The following SNX17 variants were observed in gnomAD, a reference collection of about 807,000 sequenced individuals.
SNX17 encodes sorting nexin-17.
SNX17 carries 35 observed loss-of-function variants against 64.3 expected under a neutral mutation model. That is an observed-to-expected ratio of 0.54 (90% CI 0.42 to 0.72). SNX17 has a LOEUF of 0.72. SNX17 is among the 30% of genes least tolerant of loss of function. SNX17 has a pLI of 0.00. For synonymous variants in SNX17, 259 were observed against 230.2 expected (o/e 1.13, Z -1.13); for missense variants, 538 against 610.0 (o/e 0.88, Z 1.24).
intron 6 of SNX17, 24 bp downstream of exon 6, chr2:27,374,199 C>T (rs1381069802): frequency 1.3e-6 from 2 of 1,595,878 alleles, no homozygotes; most frequent in Admixed American, 1.7e-5. Flanking sequence ...GACTTGACTG[C>T]AGTACAAGGG....
intron 1 of SNX17, 46 bp from the exon 2 acceptor site, chr2:27,371,223 G>A (rs747207090): frequency 5.7e-6 from 9 of 1,572,472 alleles, no homozygotes; most frequent in Non-Finnish European, 1.7e-6. Flanking sequence ...CAGGGGGGTT[G>A]CGCAGACCGC....
Position 27,375,126 on chromosome 2 carries a change from T to G in SNX17, c.747T>G (p.Ser249=). The part of the protein sequence containing the change: ...VTKEQHRQLK[S]LQEKVSKKEF... ...AGGAACAGCACCGGCAACTCAAATCTCTGCAAGAGAAAGTCTCCAAGAAGG... is the reference window on the plus strand; with the variant it reads ...AGGAACAGCACCGGCAACTCAAATCGCTGCAAGAGAAAGTCTCCAAGAAGG... Residue 249 remains serine, a synonymous_variant, in exon 9 of 15, where the codon TCT becomes TCG. Coordinates refer to ENST00000233575, the MANE Select transcript of SNX17 (RefSeq NM_014748.4). The surrounding 1 kb of genome is among the most constrained non-coding windows in gnomAD (Gnocchi z 4.1). 6.2e-7 allele frequency: 1 copy of G among 1,614,092 alleles called. No individual in the cohort carries two copies. Among genetic ancestry groups the G allele is most frequent in the South Asian group, 1.1e-5 (1 of 91,080 alleles).
Position 27,372,653 on chromosome 2 carries a change from C to T in SNX17, c.169C>T (p.Pro57Ser). The stretch of plus-strand genomic sequence containing the variant: ...GAAGGAGTATGGGGCCAATGTGCTT[C>T]CTGCATTCCCCCCAAAGAAGCTTTT... ...LRKEYGANVL[P>S]AFPPKKLFSL... The change falls in exon 3 of 15, where the codon CCT becomes TCT. Residue 57 changes from proline to serine, a missense_variant. Coordinates refer to ENST00000233575, the MANE Select transcript of SNX17 (RefSeq NM_014748.4). 1 of 1,614,210 alleles carries T rather than the reference C, an allele frequency of 6.2e-7. No individual in the cohort carries two copies. Among genetic ancestry groups the T allele is most frequent in the Non-Finnish European group, 8.5e-7 (1 of 1,180,026 alleles).
At position 27,370,802 on chromosome 2, in the gene SNX17, A is replaced by G; in HGVS notation, c.59A>G (p.Tyr20Cys). 4 of 1,544,008 alleles carry G rather than the reference A, an allele frequency of 2.6e-6. No homozygotes were observed. Among genetic ancestry groups the G allele is most frequent in the South Asian group, 1.2e-5 (1 of 83,932 alleles). ...AGCGGGGACAGCGGCGGCTCCGCCT[A>G]CGTGGTGAGGAGCGGCCGGAGCCGA... ...SRSGDSGGSA[Y>C]VAYNIHVNGV... The change falls in exon 1 of 15, where the codon TAC (tyrosine) becomes TGC (cysteine). Residue 20 changes from tyrosine to cysteine, a missense_variant. Physicochemically the swap from Tyr to Cys is radical, Grantham distance 194 (BLOSUM62 -2). Around this residue, in one of 3 missense-constraint regions of SNX17, gnomAD observed 27 missense variants for 38.2 expected, o/e 0.71. Transcript: ENST00000233575.
Position 27,376,758 on chromosome 2 carries a change from A to G in SNX17, c.*39A>G. 1 of 1,564,978 alleles carries G rather than the reference A, an allele frequency of 6.4e-7. No homozygotes were observed. Among genetic ancestry groups the G allele is most frequent in the Non-Finnish European group, 8.8e-7 (1 of 1,137,882 alleles). ...GATGTCTGCCCTCTACCCCAGAGGA[A>G]TTTACAGAAACTTGCCCTGTGCCTG... On this transcript the variant is annotated 3_prime_UTR_variant, in exon 15 of 15. Coordinates refer to ENST00000233575, the MANE Select transcript of SNX17 (RefSeq NM_014748.4).
Position 27,375,253 on chromosome 2 carries a change from C to T in SNX17, c.774+100C>T. The T allele has an allele frequency of 3.5e-6, 4 of 1,149,386 alleles. No individual in the cohort carries two copies. The highest frequency in any genetic ancestry group is 5.0e-6 in the Non-Finnish European group (4 of 797,304). 71.2% of individuals were successfully genotyped at this position (1,149,386 alleles called of 1,614,324 possible). On this transcript the variant is annotated intron_variant, in intron 9 of 14. Coordinates refer to ENST00000233575, the MANE Select transcript of SNX17 (RefSeq NM_014748.4). The surrounding 1 kb of genome is among the most constrained non-coding windows in gnomAD (Gnocchi z 4.1). ...TCTCAGATTCATGCCATTCTCCCGC[C>T]TCAGCCTCCCGAGTAGCTGGGACTA...
chr2:27,377,137 T>G lies in SNX17; in HGVS notation c.*418T>G, dbSNP rs1243354660. 2.2e-5 allele frequency: 9 copies of G among 413,692 alleles called. No individual in the cohort carries two copies. In the East Asian group the frequency reaches 4.9e-4, roughly 23 times the overall value. 25.6% of individuals were successfully genotyped at this position (413,692 alleles called of 1,614,324 possible). ...AGCCTGACTGCTGCCTACCTCTGGT[T>G]CCCTCTCACTGCCCCTGCTTCCCCC... On this transcript the variant is annotated 3_prime_UTR_variant, in exon 15 of 15. Transcript: ENST00000233575. This position sits in a 1 kb window ranked among gnomAD's most constrained non-coding sequence, Gnocchi z 4.4.
At position 27,375,438 on chromosome 2, in the gene SNX17, G is replaced by T; in HGVS notation, c.775-68G>T. ...TAGGCATGAGCCACCGCGCCCGACC[G>T]GGGTTGCTTTTTCTGAGCTGCCCCA... On this transcript the variant is annotated intron_variant, in intron 9 of 14. Coordinates refer to ENST00000233575, the MANE Select transcript of SNX17 (RefSeq NM_014748.4). This position sits in a 1 kb window ranked among gnomAD's most constrained non-coding sequence, Gnocchi z 4.1. The T allele has an allele frequency of 6.4e-7, 1 of 1,568,114 alleles. No homozygotes were observed. The highest frequency in any genetic ancestry group is 8.8e-7 in the Non-Finnish European group (1 of 1,142,248).
At position 27,376,309 on chromosome 2, in the gene SNX17, C is replaced by G. The variant is rs750781380; in HGVS notation, c.1183-4C>G. 2.5e-6 allele frequency: 4 copies of G among 1,611,884 alleles called. No homozygotes were observed. In the Admixed American group the frequency reaches 6.7e-5, roughly 27 times the overall value. ...CCTCACCGGCACCTTGTGTCTGTCCCCAGATGCTGCGCCGGCGGGTGGGGG... is the reference window on the plus strand; with the variant it reads ...CCTCACCGGCACCTTGTGTCTGTCCGCAGATGCTGCGCCGGCGGGTGGGGG... On this transcript the variant is annotated splice_region_variant and splice_polypyrimidine_tract_variant and intron_variant, in intron 12 of 14. Transcript: ENST00000233575.
At position 27,375,240 on chromosome 2, in the gene SNX17, GC is replaced by G; in HGVS notation, c.774+89del. Reference sequence around the variant, plus strand: ...TGCAAGCTCTGCCTCTCAGATTCATGCCATTCTCCCGCCTCAGCCTCCCGAG... The same window carrying G: ...TGCAAGCTCTGCCTCTCAGATTCATGCATTCTCCCGCCTCAGCCTCCCGAG... On this transcript the variant is annotated intron_variant, in intron 9 of 14. Coordinates refer to ENST00000233575, the MANE Select transcript of SNX17 (RefSeq NM_014748.4). This position sits in a 1 kb window ranked among gnomAD's most constrained non-coding sequence, Gnocchi z 4.1. 8.1e-7 allele frequency: 1 copy of G among 1,236,282 alleles called. No individual in the cohort carries two copies. Among genetic ancestry groups the G allele is most frequent in the South Asian group, 1.3e-5 (1 of 78,784 alleles). 76.6% of individuals were successfully genotyped at this position (1,236,282 alleles called of 1,614,324 possible).
At chr2:27,372,600 G>A in intron 2 of SNX17, 23 bp from the exon 3 acceptor site, 1 of 1,614,130 alleles carries the variant, frequency 6.2e-7, no homozygotes, top group African/African-American at 1.3e-5. Flanking sequence ...TATGTGAAGG[G>A]TTGTATCTCT....
In SNX17 at chr2:27,377,195, G is replaced by A. The variant is rs1683337814; in HGVS notation, c.*476G>A. On this transcript the variant is annotated 3_prime_UTR_variant, in exon 15 of 15. Coordinates refer to ENST00000233575, the MANE Select transcript of SNX17 (RefSeq NM_014748.4). This position sits in a 1 kb window ranked among gnomAD's most constrained non-coding sequence, Gnocchi z 4.4. The stretch of plus-strand genomic sequence containing the variant: ...CATGGACTACTATGCTAAGGGTAAG[G>A]CCAAATTGCCTGCCATTGCCAATTC... The A allele has an allele frequency of 2.1e-6, 1 of 473,952 alleles. No individual in the cohort carries two copies. Among genetic ancestry groups the A allele is most frequent in the Non-Finnish European group, 3.9e-6 (1 of 256,758 alleles). 29.4% of individuals were successfully genotyped at this position (473,952 alleles called of 1,614,324 possible). A position where few individuals can be genotyped will look rare whatever the true frequency, so the allele number is the denominator to read the frequency against.
chr2:27,376,090 CTCT>C lies in SNX17; in HGVS notation c.1105-11_1105-9del, dbSNP rs756996997. The C allele has an allele frequency of 5.0e-6, 8 of 1,614,104 alleles. No individual in the cohort carries two copies. Among genetic ancestry groups the C allele is most frequent in the Non-Finnish European group, 6.8e-6 (8 of 1,180,008 alleles). ...GTGACCACTCTCATCAAGCTGGACACTCTTCTTGCCCTCAGGCTATCATGATGA... is the reference window on the plus strand; with the variant it reads ...GTGACCACTCTCATCAAGCTGGACACTCTTGCCCTCAGGCTATCATGATGA... On this transcript the variant is annotated splice_polypyrimidine_tract_variant and intron_variant, in intron 11 of 14. Coordinates refer to ENST00000233575, the MANE Select transcript of SNX17 (RefSeq NM_014748.4).
chr2:27,370,747 C>G lies in SNX17; in HGVS notation c.4C>G (p.His2Asp). 6.5e-7 allele frequency: 1 copy of G among 1,549,460 alleles called. No individual in the cohort carries two copies. The highest frequency in any genetic ancestry group is 8.7e-7 in the Non-Finnish European group (1 of 1,146,496). Residue 2 changes from histidine (H) to aspartate (D), a missense_variant, in exon 1 of 15, where the codon CAC (histidine) becomes GAC (aspartate). Coordinates refer to ENST00000233575, the MANE Select transcript of SNX17 (RefSeq NM_014748.4). ...GCCGTGCCGTGCCGTAGGGAACATGCACTTTTCCATTCCCGAAACCGAGTC... is the reference window on the plus strand; with the variant it reads ...GCCGTGCCGTGCCGTAGGGAACATGGACTTTTCCATTCCCGAAACCGAGTC... M[H>D]FSIPETESRS...
Position 27,375,076 on chromosome 2 carries a change from G to A in SNX17, c.697G>A (p.Glu233Lys). 1 of 1,614,124 alleles carries A rather than the reference G, an allele frequency of 6.2e-7. No homozygotes were observed. The highest frequency in any genetic ancestry group is 8.5e-7 in the Non-Finnish European group (1 of 1,180,014). Residue 233 changes from glutamate (E) to lysine (K), a missense_variant, in exon 9 of 15, where the codon GAG (glutamate) becomes AAG (lysine). Glu to Lys is a moderately conservative substitution (Grantham distance 56). This residue lies in a region of SNX17 where 505 missense variants were observed against 550.4 expected (regional missense o/e 0.92). Coordinates refer to ENST00000233575, the MANE Select transcript of SNX17 (RefSeq NM_014748.4). The surrounding 1 kb of genome is among the most constrained non-coding windows in gnomAD (Gnocchi z 4.1). ...LLYAQTVSDI[E>K]RGWILVTKEQ... is the part of the protein sequence containing the mutation. ...TCTACTATAGACGGTATCAGATATT[G>A]AGCGTGGGTGGATCTTGGTCACCAA...
At chr2:27,372,861 C>T in intron 3 of SNX17, 121 bp downstream of exon 3, 1 of 1,383,382 alleles carries the variant, frequency 7.2e-7, no homozygotes, top group Non-Finnish European at 1.0e-6. Flanking sequence ...CTTGTTTGAT[C>T]TGTTATGCAG....
rs1355129960 is a variant in SNX17 at position 27,373,853 on chromosome 2, C to T, written c.322-8C>T. 2.5e-6 allele frequency: 4 copies of T among 1,608,204 alleles called. No homozygotes were observed. The highest frequency in any genetic ancestry group is 2.0e-4 in the Middle Eastern group (1 of 5,028). The stretch of plus-strand genomic sequence containing the variant: ...AGTGCTTCCCATCCCCATGTGTGCT[C>T]ACAACAGGAGACACAGCAGGTCCCC... On this transcript the variant is annotated splice_polypyrimidine_tract_variant and splice_region_variant and intron_variant, in intron 4 of 14. Transcript: ENST00000233575.
At chr2:27,372,827 T>C in intron 3 of SNX17, 87 bp downstream of exon 3, 1 of 1,536,226 alleles carries the variant, frequency 6.5e-7, no homozygotes, top group Non-Finnish European at 9.0e-7. Context: ...AGGGCCTGAT[T>C]TAATTTCTAG....
intron 2 of SNX17, 32 bp downstream of exon 2, chr2:27,371,375 T>C: frequency 1.9e-6 from 3 of 1,593,952 alleles, no homozygotes; most frequent in Non-Finnish European, 2.6e-6. Flanking sequence ...TGAGACAGCT[T>C]CAAGCCCTTC....
Sources: gnomAD v4.1 joint callset for allele counts on GRCh38, gnomAD v4.1.1 for gene constraint, gnomAD v4.1.1 regional missense constraint, Gnocchi (gnomAD v3.1) non-coding constraint, MANE v1.5 for transcripts, NCBI Gene and HGNC (gene_info 2026-07-23, HGNC 2026-07-21) for gene names.